Variants in NOX1 observed in about 807,000 individuals in gnomAD.
The protein encoded by NOX1 is NADPH oxidase 1.
A neutral mutation model predicts 42.5 loss-of-function variants in NOX1; 34 were observed. The ratio of observed to expected loss-of-function variants is 0.80; its 90% CI spans 0.61 to 1.07. The LOEUF (loss-of-function observed/expected upper bound fraction) is 1.07. Among genes scored for constraint, NOX1 ranks in the 50% least tolerant of loss-of-function variants. NOX1 has a pLI of 0.00. For missense variants in NOX1, 408 were observed against 427.0 expected (o/e 0.96, Z 0.39); for synonymous variants, 143 against 152.5 (o/e 0.94, Z 0.46).
intron 12 of NOX1, 27 bp from the exon 13 acceptor site, chrX:100,844,105 C>A: frequency 8.8e-7 from 1 of 1,136,674 alleles, no homozygotes; most frequent in Non-Finnish European, 1.2e-6. Context: ...ATAGTAAGGG[C>A]TAGAATGCAG....
At position 100,870,769 on chromosome X, in the gene NOX1, G is replaced by A; in HGVS notation, c.91C>T (p.Leu31=). Residue 31 remains leucine (L), a synonymous_variant, in exon 2 of 13, where the codon CTG becomes TTG. Transcript: ENST00000372966. ...TATTTGTCGGCCTTCTCATATTTCA[G>A]GAAGGCATCCACAAACAGGAAAACA... is the stretch of plus-strand genomic sequence containing the variant. ...LNVFLFVDAF[L]KYEKADKYYY... is the part of the protein sequence containing the mutation. The A allele has an allele frequency of 8.3e-7, 1 of 1,200,023 alleles. No homozygotes were observed. The highest frequency in any genetic ancestry group is 1.8e-5 in the South Asian group (1 of 56,115).
At chrX:100,855,248 C>T (rs2085158373) in intron 7 of NOX1, 1 of 533,055 alleles carries the variant, frequency 1.9e-6, no homozygotes, top group Non-Finnish European at 3.3e-6. Flanking sequence ...TTCTCTGTCA[C>T]TTCTCTGGCT....
chrX:100,853,880 C>T (rs1178806846), intron 7 of NOX1, among the ~76,000 whole-genome samples: 1 of 111,764 alleles, frequency 8.9e-6, no homozygotes, highest in African/African-American at 3.2e-5. Flanking sequence ...CGGTGGCTCA[C>T]GCCTGTAATC....
At chrX:100,848,593 C>T (rs1395022321) in intron 12 of NOX1, 37 bp downstream of exon 12, 2 of 1,196,373 alleles carry the variant, frequency 1.7e-6, no homozygotes, top group Non-Finnish European at 2.3e-6. Context: ...ACGCACGGCC[C>T]CTGTAAACTC....
intron 10 of NOX1, 54 bp downstream of exon 10, chrX:100,849,718 G>T: frequency 9.0e-7 from 1 of 1,106,362 alleles, no homozygotes; most frequent in Non-Finnish European, 1.2e-6. Flanking sequence ...AGCCCAAGAA[G>T]GCAATAGACT....
At chrX:100,857,313 A>C (rs912534807) in intron 7 of NOX1, among the ~76,000 whole-genome samples, 1 of 111,655 alleles carries the variant, frequency 9.0e-6, no homozygotes, top group African/African-American at 3.3e-5. Context: ...CCATGTCTGC[A>C]GTTTTGAATA....
At chrX:100,859,580 G>A (rs1330845389) in intron 7 of NOX1, among the ~76,000 whole-genome samples, 1 of 110,768 alleles carries the variant, frequency 9.0e-6, no homozygotes, top group Non-Finnish European at 1.9e-5. Context: ...GCATTTTTTA[G>A]TTGTAGGCTT....
chrX:100,865,555 A>T (rs1384885927), intron 2 of NOX1, among the ~76,000 whole-genome samples: 2 of 112,635 alleles, frequency 1.8e-5, no homozygotes, highest in African/African-American at 6.4e-5. Context: ...CTTCATAGCG[A>T]ATCAAATTGT....
At chrX:100,861,236 C>CT (rs1437605307) in intron 7 of NOX1, among the ~76,000 whole-genome samples, 2 of 111,331 alleles carry the variant, frequency 1.8e-5, no homozygotes, top group Non-Finnish European at 3.8e-5. Flanking sequence ...GAAGATATAG[C>CT]TTTTTTCCCA....
intron 3 of NOX1, 114 bp from the exon 4 acceptor site, chrX:100,863,357 A>G: frequency 1.1e-6 from 1 of 927,450 alleles, no homozygotes. Flanking sequence ...GCACTAACCC[A>G]CCCCCTTAGC....
intron 7 of NOX1, among the ~76,000 whole-genome samples, chrX:100,853,016 C>A (rs2085124910): frequency 8.9e-6 from 1 of 111,827 alleles, no homozygotes; most frequent in Non-Finnish European, 1.9e-5. Flanking sequence ...TTGGCAACAT[C>A]TTCCCAGAGA....
At chrX:100,853,292 T>TCTCTTTC (rs2085133981) in intron 7 of NOX1, among the ~76,000 whole-genome samples, 27 of 65,904 alleles carry the variant, frequency 4.1e-4, no homozygotes, top group African/African-American at 8.1e-4. Context: ...CTTTCTTTCT[T>TCTCTTTC]TCTTTCTTTC....
At chrX:100,847,132 T>G (rs1426354238) in intron 12 of NOX1, among the ~76,000 whole-genome samples, 2 of 110,817 alleles carry the variant, frequency 1.8e-5, no homozygotes, top group Non-Finnish European at 3.8e-5. Context: ...GAGGTTGCAG[T>G]GAGCCGAGAT....
chrX:100,850,300 A>G lies in NOX1; in HGVS notation c.984T>C (p.Asn328=), dbSNP rs747483659. Residue 328 remains asparagine (N), a synonymous_variant, in exon 9 of 13, where the codon AAT becomes AAC. Transcript: ENST00000372966. The stretch of plus-strand genomic sequence containing the variant: ...ATTCCAGGAGAGAGATTGAGGGGCA[A>G]TTAACAAAGATATACTGCCCCACTT... ...SMEVGQYIFV[N]CPSISLLEWH... is the part of the protein sequence containing the mutation. The G allele has an allele frequency of 4.0e-5, 48 of 1,208,203 alleles. 1 individual carries two copies. Among genetic ancestry groups the G allele is most frequent in the Admixed American group, 1.8e-4 (8 of 45,706 alleles).
At chrX:100,865,958 C>T (rs988820881) in intron 2 of NOX1, among the ~76,000 whole-genome samples, 2 of 112,361 alleles carry the variant, frequency 1.8e-5, no homozygotes, top group African/African-American at 3.2e-5. Context: ...CAGTGGCTTA[C>T]GCCTGTAATC....
intron 7 of NOX1, among the ~76,000 whole-genome samples, chrX:100,858,688 T>C (rs2085183604): frequency 9.0e-6 from 1 of 111,269 alleles, no homozygotes; most frequent in Non-Finnish European, 1.9e-5. Flanking sequence ...ATTTTTTTTG[T>C]GGCTATTGTG....
At chrX:100,866,903 C>T (rs1341144728) in intron 2 of NOX1, among the ~76,000 whole-genome samples, 2 of 111,476 alleles carry the variant, frequency 1.8e-5, no homozygotes, top group Non-Finnish European at 3.8e-5. Flanking sequence ...TGTGACTGGG[C>T]ATGGTCGCTC....
At chrX:100,862,893 A>G in intron 4 of NOX1, 73 bp from the exon 5 acceptor site, 1 of 970,236 alleles carries the variant, frequency 1.0e-6, no homozygotes, top group East Asian at 3.0e-5. Context: ...CCACTAGACT[A>G]GAAGAATCCT....
At chrX:100,869,016 A>C (rs1272257690) in intron 2 of NOX1, among the ~76,000 whole-genome samples, 161 of 110,677 alleles carry the variant, frequency 1.5e-3, no homozygotes, top group East Asian at 7.4e-3. Context: ...TTCCATTGAT[A>C]TATATCTCTG....
Sources: gnomAD v4.1 joint callset for allele counts (sites outside exome capture counted in the v4.1 genomes callset) on GRCh38, gnomAD v4.1.1 for gene constraint, MANE v1.5 for transcripts, NCBI Gene and HGNC (gene_info 2026-07-23, HGNC 2026-07-21) for gene names.